SEMA6D: variants seen among roughly 807,000 people sequenced by gnomAD.
SEMA6D encodes the protein semaphorin 6D.
In SEMA6D, 35 loss-of-function variants were observed where a neutral mutation model predicts 106.6. The observed-to-expected ratio is 0.33, with a 90% confidence interval of 0.25 to 0.44. SEMA6D has a LOEUF of 0.44. Ranked by LOEUF, SEMA6D falls within the 20% of genes least tolerant of loss-of-function variation. The pLI, the probability that SEMA6D is intolerant of heterozygous loss-of-function variation, is 1.00. For missense variants in SEMA6D, 1,185 were observed against 1,345.9 expected, an observed-to-expected ratio of 0.88 and a Z score of 1.87; for synonymous variants, 499 against 487.7, an observed-to-expected ratio of 1.02 and a Z score of -0.31.
intron 1 of SEMA6D, among the ~76,000 whole-genome samples, chr15:47,304,667 A>G (rs911899347): frequency 2.0e-5 from 3 of 152,104 alleles, no homozygotes; most frequent in African/African-American, 7.2e-5. Context: ...TTTCTTATAT[A>G]CCCATTACTT....
At chr15:47,236,236 T>C (rs1566943334) in intron 1 of SEMA6D, among the ~76,000 whole-genome samples, 2 of 152,072 alleles carry the variant, frequency 1.3e-5, no homozygotes, top group African/African-American at 4.8e-5. Flanking sequence ...TTCTGTAACA[T>C]CTGGGAATTG....
intron 3 of SEMA6D, among the ~76,000 whole-genome samples, chr15:47,543,513 C>G (rs2045421481): frequency 6.6e-6 from 1 of 152,162 alleles, no homozygotes; most frequent in African/African-American, 2.4e-5. Context: ...AACTGTGAGT[C>G]TATGAAACCT....
intron 4 of SEMA6D, among the ~76,000 whole-genome samples, chr15:47,612,225 T>C (rs1361583568): frequency 6.6e-6 from 1 of 152,198 alleles, no homozygotes; most frequent in African/African-American, 2.4e-5. Context: ...TGTTTGGATT[T>C]GTAATTGGCC....
In SEMA6D at chr15:47,390,020, A is replaced by G. The variant is rs912362507; in HGVS notation, c.-238-22373A>G. ...ACAAGCTCTTTTAGATGATCTTTATATACTGTCTCTCTTAGTTATTCCCAT... is the reference window on the plus strand; with the variant it reads ...ACAAGCTCTTTTAGATGATCTTTATGTACTGTCTCTCTTAGTTATTCCCAT... On this transcript the variant is annotated intron_variant, in intron 1 of 19. Transcript: ENST00000558014. Among the ~76,000 whole-genome samples, 17 of 152,322 alleles carry G rather than the reference A, an allele frequency of 1.1e-4. No homozygotes were observed. In the East Asian group the frequency reaches 2.9e-3, roughly 26 times the overall value.
intron 1 of SEMA6D, among the ~76,000 whole-genome samples, chr15:47,230,207 A>G (rs1454178738): frequency 6.6e-6 from 1 of 152,086 alleles, no homozygotes; most frequent in East Asian, 1.9e-4. Context: ...TTTTTGATTA[A>G]TCTGCTCCAG....
intron 4 of SEMA6D, among the ~76,000 whole-genome samples, chr15:47,674,052 C>T (rs886538108): frequency 1.3e-5 from 2 of 152,170 alleles, no homozygotes; most frequent in Non-Finnish European, 2.9e-5. Context: ...TTCTATCTCT[C>T]TTCACACTGC....
At chr15:47,448,200 AC>A (rs764881838) in intron 2 of SEMA6D, among the ~76,000 whole-genome samples, 1 of 151,766 alleles carries the variant, frequency 6.6e-6, no homozygotes, top group Non-Finnish European at 1.5e-5. Context: ...CTTTGTACTT[AC>A]CCCCAACCCA....
chr15:47,458,198 A>G (rs2042401182), intron 2 of SEMA6D, among the ~76,000 whole-genome samples: 1 of 151,980 alleles, frequency 6.6e-6, no homozygotes, highest in Admixed American at 6.6e-5. Flanking sequence ...TTAAAATACC[A>G]TTGGTTATTT....
chr15:47,629,317 T>C (rs2136897), intron 4 of SEMA6D, among the ~76,000 whole-genome samples: 26,848 of 151,984 alleles, frequency 0.18, 2,916 homozygotes, highest in South Asian at 0.33. Context: ...AGAAAACTAT[T>C]GCTAGAAGCT....
intron 1 of SEMA6D, among the ~76,000 whole-genome samples, chr15:47,405,252 G>A (rs2040523814): frequency 6.6e-6 from 1 of 152,118 alleles, no homozygotes; most frequent in African/African-American, 2.4e-5. Flanking sequence ...TAAGGGATTG[G>A]AGGGGGTGGC....
At chr15:47,612,749 C>T (rs2076933225) in intron 4 of SEMA6D, among the ~76,000 whole-genome samples, 1 of 148,816 alleles carries the variant, frequency 6.7e-6, no homozygotes, top group Admixed American at 6.9e-5. Flanking sequence ...ACTCAAAGGC[C>T]TTGTTTATTT....
At chr15:47,342,869 C>G (rs2037878185) in intron 1 of SEMA6D, among the ~76,000 whole-genome samples, 1 of 152,120 alleles carries the variant, frequency 6.6e-6, no homozygotes, top group South Asian at 2.1e-4. Flanking sequence ...TGCCACCACA[C>G]CCAGCTAATT....
chr15:47,568,193 T>TAAAA (rs61077223), intron 3 of SEMA6D, among the ~76,000 whole-genome samples: 4 of 141,158 alleles, frequency 2.8e-5, no homozygotes, highest in African/African-American at 1.0e-4. Flanking sequence ...TTTTGCCATT[T>TAAAA]AAAAAAAAAA....
intron 3 of SEMA6D, among the ~76,000 whole-genome samples, chr15:47,506,052 G>A (rs2044026714): frequency 6.6e-6 from 1 of 152,180 alleles, no homozygotes; most frequent in Admixed American, 6.5e-5. Context: ...GGGCAGGAGA[G>A]CAGTGGGAAT....
At chr15:47,324,760 ATAG>A (rs2037058825) in intron 1 of SEMA6D, among the ~76,000 whole-genome samples, 1 of 151,566 alleles carries the variant, frequency 6.6e-6, no homozygotes, top group African/African-American at 2.4e-5. Context: ...GTGTATATAT[ATAG>A]TAATGTACGC....
intron 4 of SEMA6D, among the ~76,000 whole-genome samples, chr15:47,642,894 T>A (rs141221325): frequency 6.6e-6 from 1 of 150,986 alleles, no homozygotes; most frequent in Non-Finnish European, 1.5e-5. Flanking sequence ...GAGGTAAAGA[T>A]GAAAATGGAG....
intron 4 of SEMA6D, among the ~76,000 whole-genome samples, chr15:47,655,147 G>A (rs2077767604): frequency 1.3e-5 from 2 of 152,176 alleles, no homozygotes; most frequent in Non-Finnish European, 2.9e-5. Context: ...ATCTCTTACT[G>A]AAGAAGATGT....
chr15:47,419,958 G>C (rs1355106194), intron 2 of SEMA6D, among the ~76,000 whole-genome samples: 1 of 152,102 alleles, frequency 6.6e-6, no homozygotes, highest in Non-Finnish European at 1.5e-5. Context: ...GGCAGGTGGT[G>C]GTGGTGAGGC....
chr15:47,330,964 C>T (rs751251144), intron 1 of SEMA6D, among the ~76,000 whole-genome samples: 5 of 152,170 alleles, frequency 3.3e-5, no homozygotes, highest in Non-Finnish European at 5.9e-5. Flanking sequence ...AGTGAGTCTC[C>T]TCCTCCATTT....
Sources: allele counts gnomAD v4.1 joint callset (sites outside exome capture counted in the v4.1 genomes callset), GRCh38; gene constraint gnomAD v4.1.1; transcripts MANE v1.5; gene names NCBI Gene and HGNC (gene_info 2026-07-23, HGNC 2026-07-21).